Variants in NCK2 observed in about 807,000 individuals in gnomAD.
NCK2 encodes the protein cytoplasmic protein NCK2.
A neutral mutation model predicts 33.9 loss-of-function variants in NCK2; 16 were observed. The ratio of observed to expected loss-of-function variants is 0.47; its 90% CI spans 0.32 to 0.72. The LOEUF is 0.72. Ranked by LOEUF, NCK2 falls within the 30% of genes least tolerant of loss-of-function variation. NCK2 has a pLI of 0.03. For missense variants in NCK2, 418 were observed against 537.3 expected (o/e 0.78, Z 2.19); for synonymous variants, 273 against 239.9 (o/e 1.14, Z -1.27).
chr2:105,760,791 T>A (rs1331989912), intron 1 of NCK2, among the ~76,000 whole-genome samples: 3 of 150,322 alleles, frequency 2.0e-5, no homozygotes, highest in Admixed American at 6.6e-5. Context: ...TTGTCACATG[T>A]GAGAGAGAGA....
chr2:105,871,496 C>CTTT (rs991258196), intron 3 of NCK2, among the ~76,000 whole-genome samples: 1 of 151,474 alleles, frequency 6.6e-6, no homozygotes, highest in Non-Finnish European at 1.5e-5. Flanking sequence ...AATGGTTTTT[C>CTTT]TTTTTTCTTT....
intron 4 of NCK2, among the ~76,000 whole-genome samples, chr2:105,888,380 T>C (rs1047536260): frequency 6.6e-6 from 1 of 152,202 alleles, no homozygotes; most frequent in African/African-American, 2.4e-5. Flanking sequence ...GAAATTACTA[T>C]ATACCAAGTA....
At chr2:105,891,532 ATTTTTTTTTTTTTTTTTTTT>A (rs757598660) in intron 4 of NCK2, among the ~76,000 whole-genome samples, 1 of 81,332 alleles carries the variant, frequency 1.2e-5, no homozygotes, top group Non-Finnish European at 2.2e-5. Context: ...TAAAAGACCA[ATTTTTTTTTTTTTTTTTTTT>A]TTTTTTTTTT....
intron 3 of NCK2, chr2:105,856,978 A>G (rs1053199754): frequency 6.6e-6 from 1 of 150,576 alleles, no homozygotes; most frequent in African/African-American, 2.4e-5. Context: ...CCAAAGTACC[A>G]TCTTTTTAGT....
chr2:105,872,292 GGCCTGCCCTGT>G (rs1275222610), intron 3 of NCK2, among the ~76,000 whole-genome samples: 1 of 152,142 alleles, frequency 6.6e-6, no homozygotes, highest in Non-Finnish European at 1.5e-5. Flanking sequence ...CCCGCCACCA[GGCCTGCCCTGT>G]GCCCTTGCTG....
intron 1 of NCK2, among the ~76,000 whole-genome samples, chr2:105,757,281 A>G (rs1277592214): frequency 1.3e-5 from 2 of 152,200 alleles, no homozygotes; most frequent in Non-Finnish European, 2.9e-5. Context: ...GGTTGCCTGT[A>G]ATGTACTTTC....
intron 2 of NCK2, among the ~76,000 whole-genome samples, chr2:105,823,680 G>C (rs1369977202): frequency 6.6e-6 from 1 of 151,966 alleles, no homozygotes; most frequent in Non-Finnish European, 1.5e-5. Flanking sequence ...TGTTGGGGCA[G>C]AAGGTACCCA....
In NCK2 at chr2:105,878,865, T is replaced by C. The variant is rs563240341; in HGVS notation, c.227-2463T>C. ...CAATGTTCCAGTCTTGATGGAGAAG[T>C]ATAAGCTCTATGCAGGCAGAAAGCA... On this transcript the variant is annotated intron_variant, in intron 3 of 4. Coordinates refer to ENST00000233154, the MANE Select transcript of NCK2 (RefSeq NM_003581.5). Among the ~76,000 whole-genome samples, 156 of 152,320 alleles carry C rather than the reference T, an allele frequency of 1.0e-3. 2 individuals carry two copies. The highest frequency in any genetic ancestry group is 3.7e-3 in the African/African-American group (152 of 41,560).
chr2:105,787,073 C>T (rs1476427528), intron 1 of NCK2, among the ~76,000 whole-genome samples: 2 of 152,248 alleles, frequency 1.3e-5, no homozygotes, highest in African/African-American at 2.4e-5. Context: ...TGCTGTCTTG[C>T]TCTGCCCGCT....
At chr2:105,848,065 GTGAACCTTATGTTCAAGC>G in intron 2 of NCK2, among the ~76,000 whole-genome samples, 1 of 152,154 alleles carries the variant, frequency 6.6e-6, no homozygotes, top group African/African-American at 2.4e-5. Context: ...TTGAGTCCCC[GTGAACCTTATGTTCAAGC>G]CATTGAGCCT....
chr2:105,807,530 C>G (rs1445624930), intron 1 of NCK2, among the ~76,000 whole-genome samples: 1 of 152,006 alleles, frequency 6.6e-6, no homozygotes, highest in Non-Finnish European at 1.5e-5. Context: ...TCAATAGGGT[C>G]ACTTGGGGAC....
chr2:105,779,497 C>T (rs1690418439), intron 1 of NCK2, among the ~76,000 whole-genome samples: 1 of 152,140 alleles, frequency 6.6e-6, no homozygotes, highest in Non-Finnish European at 1.5e-5. Flanking sequence ...ATCTCTGCCA[C>T]CTACCAAGTG....
At chr2:105,748,157 A>T (rs1021484980) in intron 1 of NCK2, among the ~76,000 whole-genome samples, 2 of 152,164 alleles carry the variant, frequency 1.3e-5, no homozygotes, top group African/African-American at 4.8e-5. Flanking sequence ...TGTCACAGTG[A>T]TGTCATACGG....
At chr2:105,762,920 C>T (rs549513741) in intron 1 of NCK2, among the ~76,000 whole-genome samples, 2 of 152,284 alleles carry the variant, frequency 1.3e-5, no homozygotes, top group Admixed American at 1.3e-4. Flanking sequence ...TGAGGCCAGG[C>T]GCAGTGGCTC....
At chr2:105,876,164 A>C (rs768244023) in intron 3 of NCK2, among the ~76,000 whole-genome samples, 5 of 152,248 alleles carry the variant, frequency 3.3e-5, no homozygotes, top group Non-Finnish European at 5.9e-5. Flanking sequence ...TATCCAAAGC[A>C]TGCTGCTGTG....
rs1054206077 is a variant in NCK2 at position 105,744,913 on chromosome 2, G to A, written c.-426G>A. ...GCCGCCGCTGCCGCGGGGATCGTCA[G>A]GCCGGAGCCGCGCGGCCGAGCGGGC... On this transcript the variant is annotated 5_prime_UTR_variant, in exon 1 of 5. Transcript: ENST00000233154. 38 of 145,688 alleles carry A rather than the reference G, an allele frequency of 2.6e-4. No homozygotes were observed. The highest frequency in any genetic ancestry group is 6.9e-3 in the Middle Eastern group (2 of 290). The allele number at this position is 145,688 out of a possible 1,614,324, so 9.0% of individuals were successfully genotyped here.
At chr2:105,859,957 T>A (rs955507777) in intron 3 of NCK2, among the ~76,000 whole-genome samples, 2 of 152,132 alleles carry the variant, frequency 1.3e-5, no homozygotes, top group African/African-American at 4.8e-5. Flanking sequence ...ACTTTCGTTT[T>A]TAAGAAATTT....
intron 1 of NCK2, among the ~76,000 whole-genome samples, chr2:105,758,391 G>A (rs1170263379): frequency 6.7e-6 from 1 of 150,066 alleles, no homozygotes; most frequent in Non-Finnish European, 1.5e-5. Context: ...CTCCATTGTA[G>A]ATGTTTGTTT....
chr2:105,779,588 A>G (rs62155194), intron 1 of NCK2, among the ~76,000 whole-genome samples: 2 of 152,146 alleles, frequency 1.3e-5, no homozygotes, highest in South Asian at 2.1e-4. Flanking sequence ...AGGACTGCCC[A>G]TTCTTTGTGC....
Sources: gnomAD v4.1 joint callset for allele counts (sites outside exome capture counted in the v4.1 genomes callset) on GRCh38, gnomAD v4.1.1 for gene constraint, MANE v1.5 for transcripts, NCBI Gene and HGNC (gene_info 2026-07-23, HGNC 2026-07-21) for gene names.